Variants in TAFA1 observed in about 807,000 individuals in gnomAD.
TAFA1 encodes the protein TAFA chemokine like family member 1.
TAFA1 carries 4 observed loss-of-function variants against 18.5 expected under a neutral mutation model. The observed-to-expected ratio is 0.22, with a 90% confidence interval of 0.11 to 0.49. The LOEUF is 0.49. Ranked by LOEUF, TAFA1 falls within the 20% of genes least tolerant of loss-of-function variation. The pLI, the probability that TAFA1 is intolerant of heterozygous loss-of-function variation, is 0.98. For missense variants in TAFA1, 147 were observed against 169.0 expected (o/e 0.87, Z 0.72); for synonymous variants, 56 against 55.2 (o/e 1.01, Z -0.06).
intron 2 of TAFA1, among the ~76,000 whole-genome samples, chr3:68,071,268 A>G (rs902258363): frequency 2.6e-5 from 4 of 152,244 alleles, no homozygotes; most frequent in African/African-American, 9.6e-5. Flanking sequence ...GCAGGCAAAG[A>G]GAGAGCTTGT....
intron 2 of TAFA1, among the ~76,000 whole-genome samples, chr3:68,398,563 A>G (rs1291329750): frequency 6.6e-6 from 1 of 152,178 alleles, no homozygotes; most frequent in Non-Finnish European, 1.5e-5. Context: ...TGGAGTATAA[A>G]GCAACTGGGC....
At chr3:68,239,311 A>G (rs898277164) in intron 2 of TAFA1, among the ~76,000 whole-genome samples, 7 of 152,178 alleles carry the variant, frequency 4.6e-5, no homozygotes, top group African/African-American at 1.7e-4. Flanking sequence ...GTTTATCAAT[A>G]AGTTATTAGA....
At chr3:68,333,587 T>TA (rs2068918629) in intron 2 of TAFA1, among the ~76,000 whole-genome samples, 1 of 152,162 alleles carries the variant, frequency 6.6e-6, no homozygotes, top group Admixed American at 6.5e-5. Flanking sequence ...TCTACCTATA[T>TA]AAAAAACCTG....
intron 2 of TAFA1, among the ~76,000 whole-genome samples, chr3:68,069,929 C>A (rs920754547): frequency 1.3e-5 from 2 of 152,178 alleles, no homozygotes; most frequent in African/African-American, 2.4e-5. Context: ...CACCTCTGTG[C>A]CTTTGCAGGG....
chr3:68,415,415 G>A (rs1261255504), intron 2 of TAFA1, among the ~76,000 whole-genome samples: 4 of 152,150 alleles, frequency 2.6e-5, no homozygotes, highest in African/African-American at 9.7e-5. Flanking sequence ...TGGACGTGAG[G>A]AGCATTCTCT....
intron 3 of TAFA1, among the ~76,000 whole-genome samples, chr3:68,490,877 CA>C (rs1360150299): frequency 6.7e-6 from 1 of 149,392 alleles, no homozygotes; most frequent in Non-Finnish European, 1.5e-5. Context: ...CTTACTCTGT[CA>C]ACCCAGGCTG....
intron 3 of TAFA1, among the ~76,000 whole-genome samples, chr3:68,427,494 A>T (rs912879564): frequency 6.6e-6 from 1 of 151,876 alleles, no homozygotes; most frequent in Non-Finnish European, 1.5e-5. Flanking sequence ...GTACATTGCT[A>T]TGTGGAAAAA....
rs577437596 is a variant in TAFA1, at chr3:68,443,198, C to A, written c.259+25778C>A. 3.5e-4 allele frequency among the ~76,000 whole-genome samples: 54 copies of A among 152,168 alleles called. 1 individual carries two copies. The highest frequency in any genetic ancestry group is 6.8e-3 in the Middle Eastern group (2 of 294). On this transcript the variant is annotated intron_variant, in intron 3 of 4. Transcript: ENST00000478136. Reference sequence around the variant, plus strand: ...TTGCAAGGGGCCTGAAAATTGCAGTCCTGGGTAAGACAGCCTCTTCCTGGT... The same window carrying A: ...TTGCAAGGGGCCTGAAAATTGCAGTACTGGGTAAGACAGCCTCTTCCTGGT...
intron 3 of TAFA1, among the ~76,000 whole-genome samples, chr3:68,440,154 T>C (rs2106864798): frequency 6.6e-6 from 1 of 152,202 alleles, no homozygotes; most frequent in Admixed American, 6.5e-5. Context: ...TGCACTGTTC[T>C]CATGATAGTG....
intron 3 of TAFA1, among the ~76,000 whole-genome samples, chr3:68,517,786 AT>A (rs1165879673): frequency 2.0e-5 from 3 of 152,174 alleles, no homozygotes; most frequent in Non-Finnish European, 4.4e-5. Context: ...GATCATTTCT[AT>A]TATTCTCATG....
At chr3:68,382,576 A>C (rs529562831) in intron 2 of TAFA1, among the ~76,000 whole-genome samples, 2 of 151,828 alleles carry the variant, frequency 1.3e-5, no homozygotes, top group African/African-American at 2.4e-5. Flanking sequence ...CCATTTGTCT[A>C]TGTCTCTGTT....
At chr3:67,993,586 A>C in the TAFA1 span, among the ~76,000 whole-genome samples, 2 of 152,196 alleles carry the variant, frequency 1.3e-5, no homozygotes, top group Non-Finnish European at 2.9e-5. Context: ...ATACCATACT[A>C]CAGGGGGAAA....
chr3:68,183,438 A>G (rs572446435), intron 2 of TAFA1, among the ~76,000 whole-genome samples: 1 of 152,196 alleles, frequency 6.6e-6, no homozygotes. Context: ...AGTGAGGTAT[A>G]AAAGTGAGGT....
intron 2 of TAFA1, among the ~76,000 whole-genome samples, chr3:68,011,093 A>G (rs1704461843): frequency 9.3e-6 from 1 of 107,648 alleles, no homozygotes; most frequent in Non-Finnish European, 1.7e-5. Context: ...TAGGACAGCA[A>G]TTTTGATAGT....
intron 2 of TAFA1, among the ~76,000 whole-genome samples, chr3:68,197,583 A>C (rs1156344178): frequency 1.4e-5 from 2 of 147,798 alleles, no homozygotes; most frequent in Non-Finnish European, 1.5e-5. Context: ...TTTTTTTTTT[A>C]ATTGCTGGCT....
intron 2 of TAFA1, among the ~76,000 whole-genome samples, chr3:68,135,084 A>G (rs948574163): frequency 1.3e-5 from 2 of 152,146 alleles, no homozygotes; most frequent in Non-Finnish European, 2.9e-5. Context: ...GGTGTTCCAG[A>G]TTGGAAGAAC....
chr3:68,038,236 T>A (rs1705093206), intron 2 of TAFA1, among the ~76,000 whole-genome samples: 1 of 152,176 alleles, frequency 6.6e-6, no homozygotes, highest in Non-Finnish European at 1.5e-5. Flanking sequence ...CTTATGATTT[T>A]TTAGTGAGTC....
intron 2 of TAFA1, among the ~76,000 whole-genome samples, chr3:68,405,963 T>C (rs2070597795): frequency 6.6e-6 from 1 of 152,032 alleles, no homozygotes; most frequent in Non-Finnish European, 1.5e-5. Flanking sequence ...CCCTTATTTA[T>C]AGTATACCTA....
chr3:68,510,031 A>AT (rs1259072920), intron 3 of TAFA1, among the ~76,000 whole-genome samples: 1 of 152,066 alleles, frequency 6.6e-6, no homozygotes, highest in Non-Finnish European at 1.5e-5. Flanking sequence ...TGCCATTATC[A>AT]TGGCTTATCA....
Sources: allele counts gnomAD v4.1 joint callset (sites outside exome capture counted in the v4.1 genomes callset), GRCh38; gene constraint gnomAD v4.1.1; transcripts MANE v1.5; gene names NCBI Gene and HGNC (gene_info 2026-07-23, HGNC 2026-07-21).